C8orf34: variants seen among roughly 807,000 people sequenced by gnomAD.
The protein encoded by C8orf34 is chromosome 8 open reading frame 34.
Under a neutral mutation model 68.3 loss-of-function variants are expected in C8orf34, and 65 were observed. The ratio of observed to expected loss-of-function variants is 0.95; its 90% CI spans 0.78 to 1.17. The LOEUF is 1.17. Ranked by LOEUF, C8orf34 falls within the 50% of genes most tolerant of loss-of-function variation. C8orf34 has a pLI of 0.00. For synonymous variants in C8orf34, 244 were observed against 241.2 expected, an observed-to-expected ratio of 1.01 and a Z score of -0.11; for missense variants, 664 against 655.4, an observed-to-expected ratio of 1.01 and a Z score of -0.14.
rs538795483 is a variant in C8orf34, at chr8:68,521,780, A to G, written c.766-19A>G. 6.2e-7 allele frequency: 1 copy of G among 1,603,718 alleles called. No homozygotes were observed. The highest frequency in any genetic ancestry group is 1.1e-5 in the South Asian group (1 of 89,592). ...AAGAAAAAGCCATCTAAGACAGCAT[A>G]TTCTTTTCTTCTCTTCAGGAAACAG... is the stretch of plus-strand genomic sequence containing the variant. On this transcript the variant is annotated intron_variant, in intron 5 of 13. Transcript: ENST00000518698.
At chr8:68,480,746 A>G (rs1481866095) in intron 4 of C8orf34, among the ~76,000 whole-genome samples, 2 of 152,134 alleles carry the variant, frequency 1.3e-5, no homozygotes, top group Non-Finnish European at 2.9e-5. Flanking sequence ...GATTTGTGGA[A>G]CTTTGAACTT....
chr8:68,405,185 C>A (rs1809141289), intron 1 of C8orf34, among the ~76,000 whole-genome samples: 1 of 151,968 alleles, frequency 6.6e-6, no homozygotes, highest in African/African-American at 2.4e-5. Flanking sequence ...TGATTGGAGC[C>A]TGATATCAAT....
chr8:68,800,733 A>G (rs532757902), intron 12 of C8orf34, among the ~76,000 whole-genome samples: 1 of 152,306 alleles, frequency 6.6e-6, no homozygotes, highest in African/African-American at 2.4e-5. Flanking sequence ...TAATTTTACA[A>G]GTGAGGAAAC....
intron 10 of C8orf34, among the ~76,000 whole-genome samples, chr8:68,742,331 A>G (rs547054944): frequency 6.6e-6 from 1 of 152,234 alleles, no homozygotes; most frequent in South Asian, 2.1e-4. Context: ...ATTATTCCAA[A>G]CCTGATCCTA....
chr8:68,793,558 G>T (rs74341919), intron 12 of C8orf34, among the ~76,000 whole-genome samples: 14,828 of 152,114 alleles, frequency 0.097, 996 homozygotes, highest in East Asian at 0.35. Flanking sequence ...GCAAACCAAC[G>T]CAAAGACAGA....
At chr8:68,671,532 C>T (rs1330470622) in intron 8 of C8orf34, among the ~76,000 whole-genome samples, 4 of 152,076 alleles carry the variant, frequency 2.6e-5, no homozygotes, top group Admixed American at 6.6e-5. Flanking sequence ...AGAAGTAGAG[C>T]GACATTTTAG....
chr8:68,675,942 C>T (rs1820175904), intron 8 of C8orf34, among the ~76,000 whole-genome samples: 1 of 152,066 alleles, frequency 6.6e-6, no homozygotes, highest in South Asian at 2.1e-4. Context: ...AGTAGCTATA[C>T]TTAGACAAAA....
chr8:68,710,089 A>G (rs189944100), intron 9 of C8orf34, among the ~76,000 whole-genome samples: 1 of 152,312 alleles, frequency 6.6e-6, no homozygotes, highest in Admixed American at 6.5e-5. Flanking sequence ...ATATGCCCAA[A>G]GAAGCTCAGG....
intron 7 of C8orf34, among the ~76,000 whole-genome samples, chr8:68,568,207 G>A (rs1586386267): frequency 6.6e-6 from 1 of 152,130 alleles, no homozygotes; most frequent in East Asian, 1.9e-4. Flanking sequence ...CAGCAATAAG[G>A]CTGTGGTGCT....
At chr8:68,478,254 G>GTTTTGGGT (rs1379502042) in intron 4 of C8orf34, among the ~76,000 whole-genome samples, 1 of 151,918 alleles carries the variant, frequency 6.6e-6, no homozygotes, top group Non-Finnish European at 1.5e-5. Context: ...CTGCCCTAGA[G>GTTTTGGGT]ATGCCATCAG....
At chr8:68,727,989 CT>C (rs1264579522) in intron 10 of C8orf34, among the ~76,000 whole-genome samples, 4 of 152,230 alleles carry the variant, frequency 2.6e-5, no homozygotes, top group African/African-American at 9.6e-5. Flanking sequence ...ACTTGAATTT[CT>C]CCCCAGAAAA....
chr8:68,660,902 G>A (rs148856856), intron 8 of C8orf34, among the ~76,000 whole-genome samples: 24 of 152,098 alleles, frequency 1.6e-4, no homozygotes, highest in East Asian at 9.7e-4. Flanking sequence ...CTACAAAAAG[G>A]GGGGGGAAAA....
intron 10 of C8orf34, among the ~76,000 whole-genome samples, chr8:68,726,895 A>G (rs957776364): frequency 6.6e-6 from 1 of 152,112 alleles, no homozygotes; most frequent in African/African-American, 2.4e-5. Flanking sequence ...TGGGATTTAC[A>G]ATTCAAGTTG....
chr8:68,774,901 G>A (rs1490109278), intron 10 of C8orf34, among the ~76,000 whole-genome samples: 1 of 139,206 alleles, frequency 7.2e-6, no homozygotes, highest in Admixed American at 7.5e-5. Flanking sequence ...GAAGTCAGGA[G>A]TTCGAGACCA....
chr8:68,419,745 G>A (rs972900335), intron 1 of C8orf34, among the ~76,000 whole-genome samples: 7 of 147,350 alleles, frequency 4.8e-5, no homozygotes, highest in East Asian at 2.0e-4. Context: ...ACCAAACACC[G>A]CATATTCTCG....
At chr8:68,791,147 T>C (rs868566304) in intron 12 of C8orf34, 2 of 425,256 alleles carry the variant, frequency 4.7e-6, no homozygotes, top group Non-Finnish European at 4.1e-6. Context: ...GACTGGGTAA[T>C]TGTAAAGAAA....
chr8:68,773,156 G>A (rs752386584), intron 10 of C8orf34, among the ~76,000 whole-genome samples: 14 of 152,070 alleles, frequency 9.2e-5, no homozygotes, highest in Non-Finnish European at 1.6e-4. Context: ...TATTTCATTA[G>A]CGATCCCAGT....
chr8:68,435,134 T>A (rs1010480046), intron 1 of C8orf34, among the ~76,000 whole-genome samples: 1 of 149,524 alleles, frequency 6.7e-6, no homozygotes, highest in Non-Finnish European at 1.5e-5. Context: ...TATATAATAT[T>A]ACAAGTGTAT....
intron 1 of C8orf34, among the ~76,000 whole-genome samples, chr8:68,418,385 G>A (rs1445678978): frequency 1.3e-5 from 2 of 151,954 alleles, no homozygotes; most frequent in Non-Finnish European, 2.9e-5. Flanking sequence ...TTTTCAAAGG[G>A]AATGCTTCTA....
Sources: gnomAD v4.1 joint callset for allele counts (sites outside exome capture counted in the v4.1 genomes callset) on GRCh38, gnomAD v4.1.1 for gene constraint, MANE v1.5 for transcripts, NCBI Gene and HGNC (gene_info 2026-07-23, HGNC 2026-07-21) for gene names.